PDZRN4: variants seen among roughly 807,000 people sequenced by gnomAD.
PDZRN4 encodes the protein PDZ domain-containing RING finger protein 4.
A neutral mutation model predicts 99.0 loss-of-function variants in PDZRN4; 70 were observed. The observed-to-expected ratio is 0.71, with a 90% CI of 0.58 to 0.86. The LOEUF (loss-of-function observed/expected upper bound fraction) is 0.86, where lower values mean the gene tolerates loss of function less well. Ranked by LOEUF, PDZRN4 falls within the 40% of genes least tolerant of loss-of-function variation. The pLI is 0.00. For synonymous variants in PDZRN4, 551 were observed against 501.6 expected (o/e 1.10, Z -1.32); for missense variants, 1,474 against 1,331.2 (o/e 1.11, Z -1.67).
At chr12:41,467,969 A>G (rs962728925) in intron 3 of PDZRN4, among the ~76,000 whole-genome samples, 7 of 152,150 alleles carry the variant, frequency 4.6e-5, no homozygotes, top group Non-Finnish European at 5.9e-5. Flanking sequence ...TCTTACATTC[A>G]CTCAACAAAC....
chr12:41,451,414 G>A (rs1952773094), intron 3 of PDZRN4, among the ~76,000 whole-genome samples: 1 of 152,068 alleles, frequency 6.6e-6, no homozygotes, highest in South Asian at 2.1e-4. Context: ...GGCTCCATTT[G>A]GATACTATTA....
chr12:41,336,479 C>T (rs1327465211), intron 3 of PDZRN4, among the ~76,000 whole-genome samples: 1 of 146,406 alleles, frequency 6.8e-6, no homozygotes, highest in African/African-American at 2.5e-5. Context: ...AGAATTTGAA[C>T]ATAGTAGCCA....
chr12:41,377,317 G>A (rs1210486060), intron 3 of PDZRN4, among the ~76,000 whole-genome samples: 1 of 152,114 alleles, frequency 6.6e-6, no homozygotes, highest in Non-Finnish European at 1.5e-5. Flanking sequence ...TTTGGTTAGT[G>A]TATGGCTATT....
Position 41,545,733 on chromosome 12 carries a change from G to A in PDZRN4, c.1204-6923G>A, listed in dbSNP as rs373536963. Among the ~76,000 whole-genome samples the A allele has an allele frequency of 2.6e-5, 4 of 152,164 alleles. No individual in the cohort carries two copies. The South Asian group carries it at 6.2e-4, about 24-fold the overall frequency. The stretch of plus-strand genomic sequence containing the variant: ...GCTGTATAGAAAGGCAGCCCAGAGA[G>A]TCTTTCTACGTACAAATGCATGTGG... On this transcript the variant is annotated intron_variant, in intron 5 of 9. Coordinates refer to ENST00000402685, the MANE Select transcript of PDZRN4 (RefSeq NM_001164595.2).
intron 3 of PDZRN4, among the ~76,000 whole-genome samples, chr12:41,226,924 T>C (rs1480277377): frequency 1.3e-5 from 2 of 152,182 alleles, no homozygotes; most frequent in South Asian, 2.1e-4. Flanking sequence ...ATTGACCATA[T>C]TGTACTTGCT....
intron 3 of PDZRN4, among the ~76,000 whole-genome samples, chr12:41,244,752 T>C (rs888259925): frequency 1.4e-5 from 2 of 147,564 alleles, no homozygotes; most frequent in East Asian, 4.1e-4. Context: ...TGGCGCAATC[T>C]CGGCTCACTG....
intron 3 of PDZRN4, among the ~76,000 whole-genome samples, chr12:41,244,845 C>T (rs368442676): frequency 1.3e-4 from 17 of 126,930 alleles, no homozygotes; most frequent in East Asian, 2.5e-4. Context: ...CCACCGCGCC[C>T]GGCTAATTTT....
At chr12:41,480,266 A>G (rs1023452639) in intron 3 of PDZRN4, among the ~76,000 whole-genome samples, 2 of 152,158 alleles carry the variant, frequency 1.3e-5, no homozygotes. Context: ...TTTGATCACA[A>G]TACATGCAAA....
chr12:41,287,580 T>A (rs114863353), intron 3 of PDZRN4, among the ~76,000 whole-genome samples: 283 of 152,334 alleles, frequency 1.9e-3, no homozygotes, highest in African/African-American at 6.5e-3. Context: ...GCAGAGGAAG[T>A]CAGAGTTCAT....
At chr12:41,349,258 G>C (rs1297783941) in intron 3 of PDZRN4, among the ~76,000 whole-genome samples, 2 of 151,748 alleles carry the variant, frequency 1.3e-5, no homozygotes, top group East Asian at 1.9e-4. Context: ...TATTATTTAA[G>C]AGTAGTCTTT....
intron 3 of PDZRN4, among the ~76,000 whole-genome samples, chr12:41,255,805 T>C (rs1249753289): frequency 6.6e-6 from 1 of 152,144 alleles, no homozygotes; most frequent in Non-Finnish European, 1.5e-5. Flanking sequence ...CATCACATGG[T>C]GAGAGAGGGA....
intron 3 of PDZRN4, among the ~76,000 whole-genome samples, chr12:41,339,137 A>AAT (rs1277490315): frequency 6.6e-6 from 1 of 151,824 alleles, no homozygotes; most frequent in Non-Finnish European, 1.5e-5. Context: ...AAAAAAAAAA[A>AAT]CAAAATGGGA....
At chr12:41,555,184 T>G (rs758853540) in intron 6 of PDZRN4, among the ~76,000 whole-genome samples, 62 of 128,634 alleles carry the variant, frequency 4.8e-4, no homozygotes, top group Non-Finnish European at 8.7e-4. Flanking sequence ...TGAGCGGAGA[T>G]GGCGCCACTG....
intron 3 of PDZRN4, among the ~76,000 whole-genome samples, chr12:41,257,993 T>C (rs1951214646): frequency 6.6e-6 from 1 of 152,230 alleles, no homozygotes; most frequent in Admixed American, 6.5e-5. Flanking sequence ...AATATTATTA[T>C]CCTTTTTATA....
chr12:41,535,914 C>T (rs113071960), intron 5 of PDZRN4, among the ~76,000 whole-genome samples: 187 of 152,334 alleles, frequency 1.2e-3, no homozygotes, highest in African/African-American at 4.4e-3. Flanking sequence ...TCTTGATATT[C>T]TGTCCTAGCT....
intron 3 of PDZRN4, among the ~76,000 whole-genome samples, chr12:41,365,082 T>C (rs1828937515): frequency 6.6e-6 from 1 of 151,064 alleles, no homozygotes; most frequent in South Asian, 2.1e-4. Context: ...TTTTGCAAAG[T>C]CTTACATATT....
At chr12:41,521,554 G>A (rs1383780000) in intron 5 of PDZRN4, among the ~76,000 whole-genome samples, 2 of 152,052 alleles carry the variant, frequency 1.3e-5, no homozygotes, top group African/African-American at 4.8e-5. Flanking sequence ...GAGTTAAAAT[G>A]AAGAGAACTT....
intron 3 of PDZRN4, among the ~76,000 whole-genome samples, chr12:41,265,736 T>A (rs978713532): frequency 1.3e-5 from 2 of 152,212 alleles, no homozygotes; most frequent in Non-Finnish European, 1.5e-5. Flanking sequence ...GTTATTTCAT[T>A]GCATCATATT....
At chr12:41,419,065 A>G (rs1231043511) in intron 3 of PDZRN4, among the ~76,000 whole-genome samples, 1 of 152,206 alleles carries the variant, frequency 6.6e-6, no homozygotes, top group Non-Finnish European at 1.5e-5. Flanking sequence ...TTCCACAGGA[A>G]ATGAGAGTGA....
Sources: allele counts gnomAD v4.1 joint callset (sites outside exome capture counted in the v4.1 genomes callset), GRCh38; gene constraint gnomAD v4.1.1; transcripts MANE v1.5; gene names NCBI Gene and HGNC (gene_info 2026-07-23, HGNC 2026-07-21).